Variants in KAZN observed in about 807,000 individuals in gnomAD.
KAZN encodes kazrin, periplakin interacting protein.
In KAZN, 40 loss-of-function variants were observed where a neutral mutation model predicts 87.4. The ratio of observed to expected loss-of-function variants is 0.46; its 90% CI spans 0.36 to 0.60. The LOEUF is 0.60. Among genes scored for constraint, KAZN ranks in the 20% least tolerant of loss-of-function variants. The probability of loss-of-function intolerance (pLI) is 0.00; values close to 1 mark genes in which losing one functional copy is unlikely to be tolerated. For missense variants in KAZN, 898 were observed against 1,073.9 expected (o/e 0.84, Z 2.29); for synonymous variants, 466 against 458.3 (o/e 1.02, Z -0.22).
At chr1:14,542,655 T>C (rs1178443066) in intron 2 of KAZN, among the ~76,000 whole-genome samples, 1 of 152,182 alleles carries the variant, frequency 6.6e-6, no homozygotes, top group African/African-American at 2.4e-5. Context: ...CCCGTCACCC[T>C]GGTAGTGAGC....
intron 8 of KAZN, among the ~76,000 whole-genome samples, chr1:15,080,827 C>A (rs749880216): frequency 4.6e-5 from 7 of 152,174 alleles, no homozygotes; most frequent in African/African-American, 1.7e-4. Context: ...GGGAGTAGGA[C>A]CCTCCCTGTG....
chr1:14,227,323 A>G (rs555823670), intron 2 of KAZN, among the ~76,000 whole-genome samples: 3 of 152,200 alleles, frequency 2.0e-5, no homozygotes, highest in Admixed American at 2.0e-4. Flanking sequence ...GCACAGTGAG[A>G]ATGGTTCTTC....
chr1:14,715,047 C>G (rs749244596), intron 1 of KAZN, among the ~76,000 whole-genome samples: 3 of 151,708 alleles, frequency 2.0e-5, no homozygotes, highest in Non-Finnish European at 1.5e-5. Flanking sequence ...CCTCCCACCT[C>G]GGCCTCCCAG....
At chr1:15,032,804 C>G (rs1404731649) in intron 2 of KAZN, among the ~76,000 whole-genome samples, 1 of 151,904 alleles carries the variant, frequency 6.6e-6, no homozygotes, top group Non-Finnish European at 1.5e-5. Context: ...CAAAAATTAG[C>G]CTGGGGTGGT....
intron 2 of KAZN, among the ~76,000 whole-genome samples, chr1:14,551,979 C>G (rs568538803): frequency 6.6e-6 from 1 of 152,082 alleles, no homozygotes; most frequent in Non-Finnish European, 1.5e-5. Context: ...CTTTTTATTT[C>G]TTTCTTTCTT....
intron 1 of KAZN, among the ~76,000 whole-genome samples, chr1:14,045,869 C>T (rs1365638493): frequency 6.6e-6 from 1 of 152,142 alleles, no homozygotes; most frequent in South Asian, 2.1e-4. Flanking sequence ...CCTGTACTAC[C>T]ACTACAGCTA....
At chr1:13,900,940 T>G (rs934202870) in intron 1 of KAZN, among the ~76,000 whole-genome samples, 1 of 152,166 alleles carries the variant, frequency 6.6e-6, no homozygotes, top group African/African-American at 2.4e-5. Flanking sequence ...GTATTTTGTT[T>G]AATGAGAGGA....
intron 1 of KAZN, among the ~76,000 whole-genome samples, chr1:13,952,689 AC>A (rs1160366386): frequency 6.6e-6 from 1 of 152,068 alleles, no homozygotes; most frequent in Non-Finnish European, 1.5e-5. Flanking sequence ...TATAAAGTCA[AC>A]CTGTGTGCAC....
At chr1:14,931,702 T>C (rs1358389605) in intron 1 of KAZN, among the ~76,000 whole-genome samples, 1 of 152,152 alleles carries the variant, frequency 6.6e-6, no homozygotes, top group Non-Finnish European at 1.5e-5. Flanking sequence ...GCCCTTTGCT[T>C]TCCTGGGATT....
chr1:14,749,857 G>A (rs1644364063), intron 1 of KAZN, among the ~76,000 whole-genome samples: 1 of 152,094 alleles, frequency 6.6e-6, no homozygotes, highest in African/African-American at 2.4e-5. Context: ...GTCAAGCAGT[G>A]AGAGTAATAA....
At chr1:13,980,894 A>T (rs1306338608) in intron 1 of KAZN, among the ~76,000 whole-genome samples, 1 of 151,404 alleles carries the variant, frequency 6.6e-6, no homozygotes, top group Admixed American at 6.6e-5. Flanking sequence ...GTCTTTCTGG[A>T]TGGTCTGTCT....
intron 13 of KAZN, chr1:15,112,035 C>T (rs1300001599): frequency 5.2e-6 from 1 of 191,124 alleles, no homozygotes; most frequent in Non-Finnish European, 1.1e-5. Flanking sequence ...TAATTAGCTA[C>T]CATGCTGAGA....
chr1:13,963,341 C>T (rs1350355000), intron 1 of KAZN, among the ~76,000 whole-genome samples: 1 of 152,106 alleles, frequency 6.6e-6, no homozygotes, highest in African/African-American at 2.4e-5. Context: ...CCTTTATTTT[C>T]TAGAACATTC....
At chr1:14,127,488 G>A (rs1644899773) in intron 1 of KAZN, among the ~76,000 whole-genome samples, 1 of 151,484 alleles carries the variant, frequency 6.6e-6, no homozygotes, top group Admixed American at 6.6e-5. Context: ...AAGCCAGGAG[G>A]CCAGGAAATC....
At chr1:14,373,507 TTAAG>T (rs1660671252) in intron 2 of KAZN, among the ~76,000 whole-genome samples, 2 of 152,132 alleles carry the variant, frequency 1.3e-5, no homozygotes, top group African/African-American at 4.8e-5. Flanking sequence ...GGCAAACTGC[TTAAG>T]TGAGTCCAAT....
At chr1:14,797,405 T>C (rs1428305272) in intron 1 of KAZN, among the ~76,000 whole-genome samples, 1 of 152,052 alleles carries the variant, frequency 6.6e-6, no homozygotes, top group Non-Finnish European at 1.5e-5. Context: ...CAAGAAGCGC[T>C]AACTGGAGAC....
At chr1:14,569,532 C>T (rs1309809779) in intron 2 of KAZN, among the ~76,000 whole-genome samples, 1 of 151,654 alleles carries the variant, frequency 6.6e-6, no homozygotes, top group South Asian at 2.1e-4. Flanking sequence ...CCGTGTTAGC[C>T]AGGATGGTCT....
intron 2 of KAZN, among the ~76,000 whole-genome samples, chr1:14,405,637 TGTGTGTGTG>T (rs1336254200): frequency 6.6e-6 from 1 of 151,654 alleles, no homozygotes; most frequent in Non-Finnish European, 1.5e-5. Context: ...TGTGTGTGTG[TGTGTGTGTG>T]TTTATACAGA....
intron 1 of KAZN, among the ~76,000 whole-genome samples, chr1:14,928,591 C>T (rs1218928888): frequency 6.6e-6 from 1 of 152,134 alleles, no homozygotes; most frequent in Non-Finnish European, 1.5e-5. Flanking sequence ...TATCTTCCTG[C>T]TGTTAGCAAT....
Sources: allele counts gnomAD v4.1 joint callset (sites outside exome capture counted in the v4.1 genomes callset), GRCh38; gene constraint gnomAD v4.1.1; transcripts MANE v1.5; gene names NCBI Gene and HGNC (gene_info 2026-07-23, HGNC 2026-07-21).